RPN2: variants seen among roughly 807,000 people sequenced by gnomAD.
The protein encoded by RPN2 is ribophorin II.
Under a neutral mutation model 71.4 loss-of-function variants are expected in RPN2, and 29 were observed. The ratio of observed to expected loss-of-function variants is 0.41; its 90% CI spans 0.30 to 0.55. The LOEUF (loss-of-function observed/expected upper bound fraction) is 0.55. Among genes scored for constraint, RPN2 ranks in the 20% least tolerant of loss-of-function variants. The pLI is 0.35. For synonymous variants in RPN2, 308 were observed against 305.0 expected, an observed-to-expected ratio of 1.01 and a Z score of -0.10; for missense variants, 726 against 774.1, an observed-to-expected ratio of 0.94 and a Z score of 0.74.
At chr20:37,225,665 C>CT in intron 10 of RPN2, 23 bp from the exon 11 acceptor site, 2 of 1,501,854 alleles carry the variant, frequency 1.3e-6, no homozygotes, top group Non-Finnish European at 1.9e-6. Flanking sequence ...TCTCTGAAGA[C>CT]TAACTCTATA....
At chr20:37,180,186 A>G (rs527364852) in intron 1 of RPN2, among the ~76,000 whole-genome samples, 2 of 152,328 alleles carry the variant, frequency 1.3e-5, no homozygotes, top group South Asian at 4.1e-4. Context: ...AAGGGAACTT[A>G]CTTGCCCAGG....
At chr20:37,204,035 T>G in intron 5 of RPN2, 75 bp downstream of exon 5, 1 of 1,022,478 alleles carries the variant, frequency 9.8e-7, no homozygotes, top group Non-Finnish European at 1.5e-6. Context: ...CAGATAGCCA[T>G]GCATGATCTG....
In RPN2 at chr20:37,213,770, G is replaced by A. The variant is rs771163456; in HGVS notation, c.997G>A (p.Glu333Lys). The part of the protein sequence containing the change: ...TSFTPVGDVF[E>K]LNFMNVKFSS... ...TGTCATTCTTAACAGGGATGTTTTT[G>A]AACTAAATTTCATGAACGTCAAATT... Residue 333 changes from glutamate to lysine, a missense_variant, in exon 9 of 17, where the codon GAA becomes AAA. By Grantham distance (56) the Glu-to-Lys change is moderately conservative. Coordinates refer to ENST00000237530, the MANE Select transcript of RPN2 (RefSeq NM_002951.5). 3.1e-6 allele frequency: 5 copies of A among 1,613,502 alleles called. No individual in the cohort carries two copies. In the South Asian group the frequency reaches 5.5e-5, roughly 18 times the overall value.
chr20:37,236,609 A>T lies in RPN2; in HGVS notation c.1783A>T (p.Thr595Ser). 1 of 1,614,074 alleles carries T rather than the reference A, an allele frequency of 6.2e-7. No individual in the cohort carries two copies. Among genetic ancestry groups the T allele is most frequent in the South Asian group, 1.1e-5 (1 of 91,076 alleles). Residue 595 changes from threonine to serine, a missense_variant, in exon 16 of 17, where the codon ACT becomes TCT. Physicochemically the swap from Thr to Ser is moderately conservative, Grantham distance 58. Coordinates refer to ENST00000237530, the MANE Select transcript of RPN2 (RefSeq NM_002951.5). ...GCTGGGACTCATGTATGTCTACTGG[A>T]CTCAGCTCAACATGTTCCAGACCTT... ...AMLGLMYVYW[T>S]QLNMFQTLKY...
At chr20:37,229,176 G>A (rs766513639) in intron 12 of RPN2, among the ~76,000 whole-genome samples, 20 of 152,336 alleles carry the variant, frequency 1.3e-4, no homozygotes, top group Middle Eastern at 3.4e-3. Context: ...ATTGTACAAT[G>A]TGCAAAATGC....
chr20:37,181,431 CT>C (rs748226554), intron 1 of RPN2, among the ~76,000 whole-genome samples: 37,946 of 129,280 alleles, frequency 0.29, 4,993 homozygotes, highest in Middle Eastern at 0.38. Context: ...TTTTTCTTTT[CT>C]TTTTTTTTTT....
chr20:37,213,712 T>C lies in RPN2; in HGVS notation c.987-48T>C, dbSNP rs550556283. 5.0e-5 allele frequency: 70 copies of C among 1,406,240 alleles called. No individual in the cohort carries two copies. In the Middle Eastern group the frequency reaches 1.2e-3, roughly 25 times the overall value. 87.1% of individuals were successfully genotyped at this position (1,406,240 alleles called of 1,614,324 possible). Reference sequence around the variant, plus strand: ...TTGTAGCTCCTGTTTGTTATATCCATGACTTTCCTACCTGAGTTCTTGCTA... The same window carrying C: ...TTGTAGCTCCTGTTTGTTATATCCACGACTTTCCTACCTGAGTTCTTGCTA... On this transcript the variant is annotated intron_variant, in intron 8 of 16. Transcript: ENST00000237530.
intron 8 of RPN2, 104 bp from the exon 9 acceptor site, chr20:37,213,656 G>A: frequency 1.2e-6 from 1 of 864,576 alleles, no homozygotes; most frequent in Non-Finnish European, 2.0e-6. Context: ...GTAAGGAGTT[G>A]GCTAGCCTTG....
At position 37,236,673 on chromosome 20, in the gene RPN2, C is replaced by G. The variant is rs770168775; in HGVS notation, c.1847C>G (p.Ala616Gly). The change falls in exon 16 of 17, where the codon GCT (alanine) becomes GGT (glycine). Residue 616 changes from alanine (A) to glycine (G), a missense_variant. Transcript: ENST00000237530. ...ATCCTGGGCAGTGTGACGTTTCTGGCTGGCAATCGGATGCTGGCCCAGCAG... is the reference window on the plus strand; with the variant it reads ...ATCCTGGGCAGTGTGACGTTTCTGGGTGGCAATCGGATGCTGGCCCAGCAG... ...LAILGSVTFL[A>G]GNRMLAQQAV... 16 of 1,614,130 alleles carry G rather than the reference C, an allele frequency of 9.9e-6. No individual in the cohort carries two copies. In the East Asian group the frequency reaches 3.3e-4, roughly 34 times the overall value.
chr20:37,241,518 A>G lies in RPN2; in HGVS notation c.*203A>G. On this transcript the variant is annotated 3_prime_UTR_variant, in exon 17 of 17. Transcript: ENST00000237530. The stretch of plus-strand genomic sequence containing the variant: ...TGAGCTCAGATAGTCTCTTTCTCTG[A>G]CACTGTGTAAGAAGCTGTGAATATT... The G allele has an allele frequency of 4.7e-6, 3 of 641,656 alleles. No individual in the cohort carries two copies. Among genetic ancestry groups the G allele is most frequent in the Non-Finnish European group, 5.5e-6 (2 of 360,786 alleles). The allele number at this position is 641,656 out of a possible 1,614,324, so 39.7% of individuals were successfully genotyped here.
At chr20:37,203,494 C>T (rs758635582) in intron 4 of RPN2, among the ~76,000 whole-genome samples, 7 of 151,988 alleles carry the variant, frequency 4.6e-5, no homozygotes, top group Admixed American at 4.6e-4. Context: ...GCACACGCTA[C>T]CATACCTGGC....
chr20:37,185,426 C>T (rs1428720505), intron 2 of RPN2, among the ~76,000 whole-genome samples: 1 of 151,946 alleles, frequency 6.6e-6, no homozygotes, highest in Non-Finnish European at 1.5e-5. Context: ...TGTGAGCCAC[C>T]ACCTGACCAG....
At chr20:37,194,679 C>T (rs1004862367) in intron 2 of RPN2, among the ~76,000 whole-genome samples, 1 of 152,192 alleles carries the variant, frequency 6.6e-6, no homozygotes, top group African/African-American at 2.4e-5. Context: ...CTGGAGGCTT[C>T]CAAGTGCTTG....
At chr20:37,229,099 T>C (rs1338934231) in intron 12 of RPN2, among the ~76,000 whole-genome samples, 1 of 152,204 alleles carries the variant, frequency 6.6e-6, no homozygotes. Flanking sequence ...CTTTGAGATA[T>C]GGCATAGCTC....
In RPN2 at chr20:37,236,708, A is replaced by AG. The variant is rs1214128494; in HGVS notation, c.1883+1dup. The AG allele has an allele frequency of 7.4e-6, 12 of 1,613,934 alleles. No homozygotes were observed. Among genetic ancestry groups the AG allele is most frequent in the Non-Finnish European group, 9.3e-6 (11 of 1,179,942 alleles). On this transcript the variant is annotated frameshift_variant and splice_region_variant, in exon 16 of 17. Coordinates refer to ENST00000237530, the MANE Select transcript of RPN2 (RefSeq NM_002951.5). LOFTEE classifies it high-confidence loss of function. Reference sequence around the variant, plus strand: ...GATGCTGGCCCAGCAGGCAGTCAAGAGGTAAGGCCAGACATGAGCCAGGGA... The same window carrying AG: ...GATGCTGGCCCAGCAGGCAGTCAAGAGGGTAAGGCCAGACATGAGCCAGGGA...
At chr20:37,204,255 A>G (rs576613071) in intron 5 of RPN2, among the ~76,000 whole-genome samples, 2 of 152,322 alleles carry the variant, frequency 1.3e-5, no homozygotes, top group East Asian at 1.9e-4. Flanking sequence ...AGGAGTGACA[A>G]GCAGTCCTGA....
At chr20:37,192,014 A>T (rs114698580) in intron 2 of RPN2, among the ~76,000 whole-genome samples, 1,873 of 151,302 alleles carry the variant, frequency 0.012, 36 homozygotes, top group African/African-American at 0.044. Context: ...AGGCAGGGAT[A>T]TTGCTTGAGC....
At chr20:37,198,573 CT>C in intron 3 of RPN2, 81 bp downstream of exon 3, 3 of 1,598,986 alleles carry the variant, frequency 1.9e-6, no homozygotes, top group East Asian at 2.2e-5. Flanking sequence ...GTCAAACATC[CT>C]TTTTTTAATT....
intron 6 of RPN2, 94 bp downstream of exon 6, chr20:37,204,995 G>A: frequency 6.4e-7 from 1 of 1,567,618 alleles, no homozygotes; most frequent in South Asian, 1.1e-5. Context: ...TGTTCAGACA[G>A]TACCTTGGGA....
Sources: gnomAD v4.1 joint callset for allele counts (sites outside exome capture counted in the v4.1 genomes callset) on GRCh38, gnomAD v4.1.1 for gene constraint, MANE v1.5 for transcripts, NCBI Gene and HGNC (gene_info 2026-07-23, HGNC 2026-07-21) for gene names.